The following CCDC146 variants were observed in gnomAD, a reference collection of about 807,000 sequenced individuals.
CCDC146 encodes coiled-coil domain-containing protein 146.
Under a neutral mutation model 119.3 loss-of-function variants are expected in CCDC146, and 92 were observed. The ratio of observed to expected loss-of-function variants is 0.77; its 90% confidence interval spans 0.65 to 0.92. The LOEUF (loss-of-function observed/expected upper bound fraction) is 0.92. CCDC146 is among the 40% of genes least tolerant of loss of function. CCDC146 has a pLI of 0.00. For synonymous variants in CCDC146, 372 were observed against 371.8 expected, an observed-to-expected ratio of 1.00 and a Z score of -0.01; for missense variants, 1,000 against 1,103.0, an observed-to-expected ratio of 0.91 and a Z score of 1.32.
intron 4 of CCDC146, among the ~76,000 whole-genome samples, chr7:77,249,348 C>T (rs1184858958): frequency 1.3e-5 from 2 of 152,022 alleles, no homozygotes; most frequent in Admixed American, 6.5e-5. Context: ...ATTAGCTGGG[C>T]GTGGTGGTGC....
At chr7:77,217,223 G>A (rs2150456768) in intron 2 of CCDC146, among the ~76,000 whole-genome samples, 1 of 151,954 alleles carries the variant, frequency 6.6e-6, no homozygotes, top group South Asian at 2.1e-4. Flanking sequence ...TACAGAGATG[G>A]GCAAGAGAGA....
chr7:77,271,511 G>GAGATAGAT (rs1562856477), intron 9 of CCDC146, among the ~76,000 whole-genome samples: 6 of 66,870 alleles, frequency 9.0e-5, no homozygotes, highest in South Asian at 5.1e-4. Context: ...ACACTAATAG[G>GAGATAGAT]AGATATATAT....
In CCDC146 at chr7:77,190,469, G is replaced by A. The variant is rs186491601; in HGVS notation, c.156+22645G>A. ...TGATACTGGGGCATGCCCTGATGAT[G>A]AATCTGGAGATGCTGATGAGTGGGA... On this transcript the variant is annotated intron_variant, in intron 2 of 18. Transcript: ENST00000285871. Among the ~76,000 whole-genome samples the A allele has an allele frequency of 9.8e-5, 15 of 152,320 alleles. 1 individual carries two copies. The highest frequency in any genetic ancestry group is 9.8e-4 in the Admixed American group (15 of 15,302).
intron 2 of CCDC146, among the ~76,000 whole-genome samples, chr7:77,219,600 C>A (rs1468036493): frequency 6.6e-6 from 1 of 152,212 alleles, no homozygotes; most frequent in African/African-American, 2.4e-5. Context: ...GATTCTGAGG[C>A]TCTAACTTTA....
intron 2 of CCDC146, among the ~76,000 whole-genome samples, chr7:77,180,836 C>T (rs1402042530): frequency 6.6e-6 from 1 of 152,148 alleles, no homozygotes; most frequent in Non-Finnish European, 1.5e-5. Flanking sequence ...AATTTGTGTT[C>T]CTACCAGTAA....
chr7:77,123,300 G>T (rs1163564225), intron 1 of CCDC146, among the ~76,000 whole-genome samples: 1 of 151,048 alleles, frequency 6.6e-6, no homozygotes, highest in Non-Finnish European at 1.5e-5. Context: ...GCAGGGACAA[G>T]GGTCAGATTA....
chr7:77,253,678 A>G (rs527996656), intron 4 of CCDC146, among the ~76,000 whole-genome samples: 2 of 152,338 alleles, frequency 1.3e-5, no homozygotes, highest in South Asian at 2.1e-4. Flanking sequence ...GAGATGTGTA[A>G]TATAATGTCA....
chr7:77,281,113 C>CAAA (rs368247535), intron 14 of CCDC146, among the ~76,000 whole-genome samples: 22,918 of 131,384 alleles, frequency 0.17, 1,962 homozygotes, highest in African/African-American at 0.22. Flanking sequence ...CAAAAACAAA[C>CAAA]AAAAAAAAAA....
intron 1 of CCDC146, among the ~76,000 whole-genome samples, chr7:77,135,290 C>T (rs1032107161): frequency 3.3e-5 from 5 of 152,042 alleles, no homozygotes; most frequent in African/African-American, 1.2e-4. Flanking sequence ...GAGTTTGAGA[C>T]CAGCCTGGGC....
Position 77,261,679 on chromosome 7 carries a change from G to A in CCDC146, c.987-442G>A, listed in dbSNP as rs571648571. Reference sequence around the variant, plus strand: ...TTTTTAGTAGAGACGGGGTTTCACCGTGTTAGCCAGGATGGTCTCGATCTC... The same window carrying A: ...TTTTTAGTAGAGACGGGGTTTCACCATGTTAGCCAGGATGGTCTCGATCTC... On this transcript the variant is annotated intron_variant, in intron 8 of 18. Transcript: ENST00000285871. 4.2e-4 allele frequency among the ~76,000 whole-genome samples: 64 copies of A among 151,890 alleles called. 2 individuals are homozygous for A. In the South Asian group the frequency reaches 6.2e-3, roughly 15 times the overall value.
intron 2 of CCDC146, among the ~76,000 whole-genome samples, chr7:77,169,338 T>C (rs567379407): frequency 1.4e-4 from 21 of 152,346 alleles, no homozygotes; most frequent in Non-Finnish European, 1.3e-4. Context: ...GTTAAGGTGA[T>C]GACTTCCAGA....
intron 2 of CCDC146, among the ~76,000 whole-genome samples, chr7:77,184,401 C>G (rs750763306): frequency 6.6e-6 from 1 of 152,160 alleles, no homozygotes; most frequent in Non-Finnish European, 1.5e-5. Context: ...ACCCAACTTT[C>G]ATAGTTATCC....
intron 6 of CCDC146, 34 bp from the exon 7 acceptor site, chr7:77,258,961 C>T (rs774745222): frequency 1.5e-5 from 22 of 1,431,772 alleles, no homozygotes; most frequent in Non-Finnish European, 2.0e-5. Context: ...AGCCGAAGAC[C>T]GCATAATTTA....
intron 1 of CCDC146, among the ~76,000 whole-genome samples, chr7:77,132,903 G>A (rs1487255756): frequency 6.6e-6 from 1 of 152,032 alleles, no homozygotes; most frequent in Non-Finnish European, 1.5e-5. Context: ...CGGGCACGGT[G>A]GCTTATGCCT....
chr7:77,269,522 G>A (rs988706263), intron 9 of CCDC146, among the ~76,000 whole-genome samples: 2 of 152,180 alleles, frequency 1.3e-5, no homozygotes, highest in African/African-American at 4.8e-5. Flanking sequence ...GTGATGGTGA[G>A]GCTTGTCACT....
intron 2 of CCDC146, among the ~76,000 whole-genome samples, chr7:77,182,078 G>C (rs1791598501): frequency 6.6e-6 from 1 of 152,164 alleles, no homozygotes; most frequent in Non-Finnish European, 1.5e-5. Flanking sequence ...CCAGGTGGAG[G>C]CAAACAGATA....
intron 10 of CCDC146, 47 bp downstream of exon 10, chr7:77,273,836 C>T: frequency 7.9e-7 from 1 of 1,263,676 alleles, no homozygotes; most frequent in Non-Finnish European, 1.1e-6. Context: ...AGCGTTCATA[C>T]AAAGTTGTGC....
chr7:77,197,118 A>G, intron 2 of CCDC146: 1 of 631,366 alleles, frequency 1.6e-6, no homozygotes, highest in Non-Finnish European at 2.7e-6. Context: ...AACTTACTTG[A>G]ACCTGTTTAG....
intron 1 of CCDC146, among the ~76,000 whole-genome samples, chr7:77,143,187 G>T (rs1790962446): frequency 6.6e-6 from 1 of 151,924 alleles, no homozygotes; most frequent in African/African-American, 2.4e-5. Flanking sequence ...ATTTTTTCAT[G>T]TGTCTGTTGG....
Sources: allele counts gnomAD v4.1 joint callset (sites outside exome capture counted in the v4.1 genomes callset), GRCh38; gene constraint gnomAD v4.1.1; transcripts MANE v1.5; gene names NCBI Gene and HGNC (gene_info 2026-07-23, HGNC 2026-07-21).